The following TTBK2 variants were observed in gnomAD, a reference collection of about 807,000 sequenced individuals.
TTBK2 encodes the protein tau tubulin kinase 2.
A neutral mutation model predicts 110.8 loss-of-function variants in TTBK2; 28 were observed. That is an observed-to-expected ratio of 0.25 (90% CI 0.19 to 0.35). The LOEUF (loss-of-function observed/expected upper bound fraction) is 0.35, where lower values mean the gene tolerates loss of function less well. TTBK2 is among the 10% of genes least tolerant of loss of function. The probability of loss-of-function intolerance (pLI) is 1.00; values close to 1 mark genes in which losing one functional copy is unlikely to be tolerated. For missense variants in TTBK2, 1,369 were observed against 1,500.3 expected (o/e 0.91, Z 1.45); for synonymous variants, 532 against 527.3 (o/e 1.01, Z -0.12).
rs1247822535 is a variant in TTBK2, at chr15:42,777,105, G to A, written c.1335C>T (p.Ser445=). The A allele has an allele frequency of 6.2e-7, 1 of 1,614,200 alleles. No individual in the cohort carries two copies. ...GTTTTTCCAGCTCAAAGCTGTGAAT[G>A]GAACGTAACTTTCGCACCAGTGGAA... The part of the protein sequence containing the change: ...RDIPLVRKLR[S]IHSFELEKRL... The change falls in exon 12 of 15, where the codon TCC becomes TCT. Residue 445 remains serine (S), a synonymous_variant. Coordinates refer to ENST00000267890, the MANE Select transcript of TTBK2 (RefSeq NM_173500.4).
At chr15:42,847,093 A>G (rs528930856) in intron 3 of TTBK2, among the ~76,000 whole-genome samples, 9 of 152,282 alleles carry the variant, frequency 5.9e-5, no homozygotes, top group African/African-American at 1.9e-4. Context: ...GGAGGGGGGA[A>G]TCAAGGGAGC....
intron 14 of TTBK2, among the ~76,000 whole-genome samples, chr15:42,748,695 G>A (rs2061827443): frequency 6.6e-6 from 1 of 152,040 alleles, no homozygotes; most frequent in African/African-American, 2.4e-5. Flanking sequence ...TTACAGGTGT[G>A]AGCCACCACA....
chr15:42,801,033 A>G, intron 9 of TTBK2: 1 of 765,962 alleles, frequency 1.3e-6, no homozygotes, highest in Non-Finnish European at 2.4e-6. Flanking sequence ...CTTCATGACC[A>G]CGGCCCTGGA....
intron 10 of TTBK2, among the ~76,000 whole-genome samples, chr15:42,794,407 T>C (rs1890840726): frequency 6.6e-6 from 1 of 152,182 alleles, no homozygotes; most frequent in Non-Finnish European, 1.5e-5. Context: ...AAATTTGATA[T>C]CAACAAGTCA....
At chr15:42,849,057 T>C (rs1199342668) in intron 3 of TTBK2, among the ~76,000 whole-genome samples, 3 of 152,228 alleles carry the variant, frequency 2.0e-5, no homozygotes, top group East Asian at 1.9e-4. Context: ...TATTTCTTTA[T>C]ATATCTTTGC....
At chr15:42,759,654 T>A (rs180794894) in intron 13 of TTBK2, among the ~76,000 whole-genome samples, 4 of 152,206 alleles carry the variant, frequency 2.6e-5, no homozygotes, top group Non-Finnish European at 5.9e-5. Context: ...CTTGCAAACA[T>A]CACCAGCATG....
At chr15:42,865,416 G>A (rs948833059) in intron 3 of TTBK2, among the ~76,000 whole-genome samples, 4 of 151,006 alleles carry the variant, frequency 2.6e-5, no homozygotes, top group South Asian at 2.1e-4. Flanking sequence ...CCGAGACTGC[G>A]TCACTGGCAC....
intron 12 of TTBK2, among the ~76,000 whole-genome samples, chr15:42,776,296 G>A (rs1416488431): frequency 6.6e-6 from 1 of 152,128 alleles, no homozygotes; most frequent in Non-Finnish European, 1.5e-5. Context: ...CACCATTGAA[G>A]GGCATGACTA....
chr15:42,835,587 T>C (rs1892952699), intron 4 of TTBK2, among the ~76,000 whole-genome samples: 1 of 151,978 alleles, frequency 6.6e-6, no homozygotes, highest in Non-Finnish European at 1.5e-5. Context: ...AGATAAGCAA[T>C]GTGTGAACCC....
intron 7 of TTBK2, among the ~76,000 whole-genome samples, chr15:42,816,048 C>A (rs184458338): frequency 0.011 from 1,195 of 104,796 alleles, 30 homozygotes; most frequent in African/African-American, 0.037. Context: ...CTCCCTCTCT[C>A]TATATAAAAA....
At chr15:42,829,145 T>G (rs1300460224) in intron 5 of TTBK2, among the ~76,000 whole-genome samples, 2 of 152,214 alleles carry the variant, frequency 1.3e-5, no homozygotes, top group East Asian at 3.8e-4. Flanking sequence ...ACTTTTCAAC[T>G]GTACCAACAT....
At chr15:42,790,238 T>C (rs569107119) in intron 10 of TTBK2, among the ~76,000 whole-genome samples, 1 of 152,146 alleles carries the variant, frequency 6.6e-6, no homozygotes, top group Non-Finnish European at 1.5e-5. Flanking sequence ...GTGCACAGTA[T>C]CTTGCTATAC....
chr15:42,841,659 G>C (rs1011222341), intron 3 of TTBK2, among the ~76,000 whole-genome samples: 4 of 152,116 alleles, frequency 2.6e-5, no homozygotes, highest in Non-Finnish European at 2.9e-5. Flanking sequence ...TAGACCACAA[G>C]GGTGTCAATT....
intron 1 of TTBK2, among the ~76,000 whole-genome samples, chr15:42,912,706 C>T (rs1258845824): frequency 1.3e-5 from 2 of 149,904 alleles, no homozygotes; most frequent in Admixed American, 1.3e-4. Flanking sequence ...GTGACAAGAG[C>T]AAAACTCCAT....
intron 3 of TTBK2, among the ~76,000 whole-genome samples, chr15:42,843,774 A>G (rs1893338081): frequency 6.6e-6 from 1 of 151,448 alleles, no homozygotes; most frequent in African/African-American, 2.4e-5. Flanking sequence ...AAAAAAAAAA[A>G]AAAAAAAAGA....
At chr15:42,751,925 T>C (rs1566999656) in intron 14 of TTBK2, 49 bp downstream of exon 14, 2 of 1,602,912 alleles carry the variant, frequency 1.2e-6, no homozygotes, top group Admixed American at 1.7e-5. Context: ...ATAAAGCAGA[T>C]ATAGAAATGG....
chr15:42,799,372 AAAAC>A (rs1303029533), intron 9 of TTBK2, among the ~76,000 whole-genome samples: 2 of 152,000 alleles, frequency 1.3e-5, no homozygotes, highest in Admixed American at 6.5e-5. Context: ...TCCGTCTCAA[AAAAC>A]AAACAATCTG....
At chr15:42,854,080 C>T (rs997748682) in intron 3 of TTBK2, among the ~76,000 whole-genome samples, 3 of 151,980 alleles carry the variant, frequency 2.0e-5, no homozygotes, top group African/African-American at 4.8e-5. Flanking sequence ...GGTCCACCGG[C>T]GCACATGATT....
Position 42,801,350 on chromosome 15 carries a change from CTCAGACAG to C in TTBK2, c.823-6557_823-6550del, listed in dbSNP as rs770728779. The C allele has an allele frequency of 1.9e-5, 30 of 1,547,274 alleles. No individual in the cohort carries two copies. The South Asian group carries it at 3.1e-4, about 16-fold the overall frequency. On this transcript the variant is annotated intron_variant, in intron 9 of 14. Coordinates refer to ENST00000267890, the MANE Select transcript of TTBK2 (RefSeq NM_173500.4). ...TGGCTAGCTGCAGGGCGGCCTCCAG[CTCAGACAG>C]CTTGGCATTGGCATCCTTAATGGCT...
Sources: allele counts gnomAD v4.1 joint callset (sites outside exome capture counted in the v4.1 genomes callset), GRCh38; gene constraint gnomAD v4.1.1; transcripts MANE v1.5; gene names NCBI Gene and HGNC (gene_info 2026-07-23, HGNC 2026-07-21).